The following WDR70 variants were observed in gnomAD, a reference collection of about 807,000 sequenced individuals.
The protein encoded by WDR70 is WD repeat-containing protein 70.
In WDR70, 53 loss-of-function variants were observed where a neutral mutation model predicts 88.6. The ratio of observed to expected loss-of-function variants is 0.60; its 90% CI spans 0.48 to 0.75. The LOEUF (loss-of-function observed/expected upper bound fraction) is 0.75. Ranked by LOEUF, WDR70 falls within the 30% of genes least tolerant of loss-of-function variation. The probability of loss-of-function intolerance (pLI) is 0.00; values close to 1 mark genes in which losing one functional copy is unlikely to be tolerated. For synonymous variants in WDR70, 280 were observed against 270.0 expected (o/e 1.04, Z -0.36); for missense variants, 610 against 823.2 (o/e 0.74, Z 3.17).
intron 8 of WDR70, among the ~76,000 whole-genome samples, chr5:37,490,844 T>A (rs1490111177): frequency 2.0e-5 from 3 of 152,114 alleles, no homozygotes; most frequent in Non-Finnish European, 2.9e-5. Context: ...CTGGGGATAT[T>A]TCTGCTGTGC....
intron 9 of WDR70, among the ~76,000 whole-genome samples, chr5:37,519,155 A>G (rs181966172): frequency 1.3e-5 from 2 of 152,018 alleles, no homozygotes; most frequent in Non-Finnish European, 2.9e-5. Context: ...TTTCTTTTCG[A>G]CAAAACTGCC....
chr5:37,671,272 A>C (rs1206842552), intron 10 of WDR70, among the ~76,000 whole-genome samples: 1 of 152,106 alleles, frequency 6.6e-6, no homozygotes, highest in Admixed American at 6.6e-5. Context: ...TTATTATTGG[A>C]ATTTGTGTTT....
intron 9 of WDR70, among the ~76,000 whole-genome samples, chr5:37,536,801 T>C (rs1741678258): frequency 1.3e-5 from 2 of 152,192 alleles, no homozygotes; most frequent in African/African-American, 4.8e-5. Flanking sequence ...TTAGGAATTT[T>C]GTATTTTATT....
intron 5 of WDR70, among the ~76,000 whole-genome samples, chr5:37,408,291 G>A (rs1030936597): frequency 2.0e-5 from 3 of 152,018 alleles, no homozygotes; most frequent in Non-Finnish European, 4.4e-5. Context: ...GGCCAACATA[G>A]TGAAACCCCA....
chr5:37,623,904 T>G (rs1307760343), intron 10 of WDR70, among the ~76,000 whole-genome samples: 1 of 152,180 alleles, frequency 6.6e-6, no homozygotes, highest in East Asian at 1.9e-4. Flanking sequence ...CAAGTAATAA[T>G]TATACATATC....
intron 9 of WDR70, among the ~76,000 whole-genome samples, chr5:37,524,354 C>G (rs1020491705): frequency 1.4e-4 from 22 of 152,216 alleles, no homozygotes; most frequent in Admixed American, 3.9e-4. Context: ...GAATTTTCAA[C>G]CCAGAATTTC....
At chr5:37,461,012 T>C (rs1327014455) in intron 7 of WDR70, among the ~76,000 whole-genome samples, 2 of 151,976 alleles carry the variant, frequency 1.3e-5, no homozygotes, top group Admixed American at 6.5e-5. Flanking sequence ...ATTTTTCAAC[T>C]TTGGGTGTTT....
At chr5:37,631,738 G>A (rs933610190) in intron 10 of WDR70, among the ~76,000 whole-genome samples, 3 of 152,150 alleles carry the variant, frequency 2.0e-5, no homozygotes, top group African/African-American at 7.2e-5. Flanking sequence ...CAGCCTAAGT[G>A]AAGGGCCATC....
rs186708762 is a variant in WDR70, at chr5:37,700,808, A to G, written c.1193-250A>G. Reference sequence around the variant, plus strand: ...CTGGAAAGTAATTTCCAGAAGCCCAATTCATTATCAAATAGCTTTCAACTG... The same window carrying G: ...CTGGAAAGTAATTTCCAGAAGCCCAGTTCATTATCAAATAGCTTTCAACTG... On this transcript the variant is annotated intron_variant, in intron 11 of 17. Coordinates refer to ENST00000265107, the MANE Select transcript of WDR70 (RefSeq NM_018034.4). 3.9e-5 allele frequency among the ~76,000 whole-genome samples: 6 copies of G among 152,284 alleles called. No homozygotes were observed. The East Asian group carries it at 1.2e-3, about 29-fold the overall frequency.
At chr5:37,486,062 T>G (rs984908637) in intron 8 of WDR70, among the ~76,000 whole-genome samples, 36 of 151,880 alleles carry the variant, frequency 2.4e-4, no homozygotes, top group Non-Finnish European at 4.6e-4. Flanking sequence ...TAGGTGTTGG[T>G]AAGTTTACAA....
chr5:37,398,111 G>T (rs1287294564), intron 5 of WDR70, among the ~76,000 whole-genome samples: 77 of 784 alleles, frequency 0.098, no homozygotes, highest in African/African-American at 0.13. Context: ...TTTTTGAGAC[G>T]GGAGTCTCAC....
chr5:37,494,093 A>G (rs538454568), intron 8 of WDR70, among the ~76,000 whole-genome samples: 3 of 152,334 alleles, frequency 2.0e-5, no homozygotes, highest in African/African-American at 7.2e-5. Flanking sequence ...TGCTGGGATT[A>G]CAGGTGTGAG....
chr5:37,506,298 G>T, intron 8 of WDR70: 1 of 938,282 alleles, frequency 1.1e-6, no homozygotes, highest in Non-Finnish European at 1.8e-6. Flanking sequence ...ATTCTTTATT[G>T]CCACTTCTAG....
At chr5:37,706,882 G>GT (rs906140902) in intron 13 of WDR70, among the ~76,000 whole-genome samples, 19 of 149,508 alleles carry the variant, frequency 1.3e-4, no homozygotes, top group South Asian at 2.1e-4. Flanking sequence ...ATTCACTTTT[G>GT]TTTTTTTTTG....
intron 5 of WDR70, among the ~76,000 whole-genome samples, chr5:37,399,060 C>T (rs772561673): frequency 1.2e-4 from 19 of 152,134 alleles, no homozygotes; most frequent in South Asian, 4.1e-4. Context: ...GGGCGGATCA[C>T]GAGGTCAGGA....
intron 10 of WDR70, among the ~76,000 whole-genome samples, chr5:37,669,058 T>G (rs1745945528): frequency 6.6e-6 from 1 of 152,190 alleles, no homozygotes; most frequent in Non-Finnish European, 1.5e-5. Context: ...TGGTTTATAG[T>G]TGGTGCAATA....
intron 10 of WDR70, among the ~76,000 whole-genome samples, chr5:37,683,088 T>C (rs537118263): frequency 1.3e-5 from 2 of 152,360 alleles, no homozygotes; most frequent in South Asian, 4.1e-4. Context: ...TACTGTTATG[T>C]AATGTACTTC....
At chr5:37,498,240 T>A (rs138254033) in intron 8 of WDR70, among the ~76,000 whole-genome samples, 2 of 152,346 alleles carry the variant, frequency 1.3e-5, no homozygotes, top group African/African-American at 4.8e-5. Flanking sequence ...ATACTGTAAC[T>A]CTCAGTAGCA....
At chr5:37,608,253 G>A (rs1249620270) in intron 10 of WDR70, among the ~76,000 whole-genome samples, 3 of 151,904 alleles carry the variant, frequency 2.0e-5, no homozygotes, top group South Asian at 4.2e-4. Flanking sequence ...TATTGGCCAC[G>A]TTGGTCTCAA....
Sources: allele counts gnomAD v4.1 joint callset (sites outside exome capture counted in the v4.1 genomes callset), GRCh38; gene constraint gnomAD v4.1.1; transcripts MANE v1.5; gene names NCBI Gene and HGNC (gene_info 2026-07-23, HGNC 2026-07-21).